Variants in RP1 observed in about 807,000 individuals in gnomAD.
The protein encoded by RP1 is oxygen-regulated protein 1.
A neutral mutation model predicts 14.8 loss-of-function variants in RP1; 16 were observed. The observed-to-expected ratio is 1.08, with a 90% CI of 0.73 to 1.65. RP1 has a LOEUF of 1.65. RP1 is among the 40% of genes most tolerant of loss of function. RP1 has a pLI of 0.00. For missense variants in RP1, 2,631 were observed against 2,535.0 expected (o/e 1.04, Z -0.81); for synonymous variants, 876 against 883.6 (o/e 0.99, Z 0.15).
chr8:54,714,089 C>T (rs953425076), intron 15 of RP1, among the ~76,000 whole-genome samples: 4 of 152,162 alleles, frequency 2.6e-5, no homozygotes, highest in Non-Finnish European at 4.4e-5. Context: ...CCACGCCCAG[C>T]TAATTTTTGT....
exon 4 of RP1, chr8:54,649,090 T>C (rs1349889782): frequency 3.3e-6 from 5 of 1,530,526 alleles, no homozygotes; most frequent in Admixed American, 2.0e-5. Flanking sequence ...TCAGCCCCCA[T>C]ATATCTTTAT....
intron 1 of RP1, among the ~76,000 whole-genome samples, chr8:54,592,183 A>G (rs979798827): frequency 1.3e-5 from 2 of 152,238 alleles, no homozygotes; most frequent in African/African-American, 4.8e-5. Flanking sequence ...TTACCTTATG[A>G]ATCTTTGTAG....
intron 7 of RP1, chr8:54,663,973 C>A (rs1308019038): frequency 2.1e-6 from 2 of 944,550 alleles, no homozygotes; most frequent in Admixed American, 3.7e-5. Context: ...TAAGTATATT[C>A]ACATTTCTGT....
chr8:54,649,168 A>G (rs1806607791), intron 4 of RP1: 2 of 1,455,342 alleles, frequency 1.4e-6, no homozygotes, highest in African/African-American at 2.9e-5. Flanking sequence ...AAAACTGAGT[A>G]TAAACTGTTA....
intron 16 of RP1, among the ~76,000 whole-genome samples, chr8:54,723,190 A>G (rs1808574187): frequency 6.6e-6 from 1 of 152,230 alleles, no homozygotes; most frequent in African/African-American, 2.4e-5. Context: ...AATTACGTGA[A>G]TTAACATATG....
intron 8 of RP1, chr8:54,678,444 C>T (rs1464904042): frequency 6.5e-7 from 1 of 1,528,036 alleles, no homozygotes; most frequent in Non-Finnish European, 8.8e-7. Flanking sequence ...CATTTTCATT[C>T]TTTAATTTGT....
At chr8:54,693,334 G>GT (rs1468820527) in intron 12 of RP1, among the ~76,000 whole-genome samples, 1 of 152,116 alleles carries the variant, frequency 6.6e-6, no homozygotes, top group Non-Finnish European at 1.5e-5. Context: ...CTTGAAAGTA[G>GT]TTTTTTCTAA....
chr8:54,736,579 C>T (rs1367642967), intron 18 of RP1, among the ~76,000 whole-genome samples: 2 of 152,130 alleles, frequency 1.3e-5, no homozygotes, highest in African/African-American at 2.4e-5. Context: ...TTACAGGCAC[C>T]AAGGACTCCC....
intron 18 of RP1, among the ~76,000 whole-genome samples, chr8:54,736,584 A>G (rs1486602839): frequency 6.6e-6 from 1 of 151,868 alleles, no homozygotes; most frequent in Non-Finnish European, 1.5e-5. Context: ...GGCACCAAGG[A>G]CTCCCTCTGC....
At chr8:54,714,318 C>T (rs987904343) in intron 15 of RP1, among the ~76,000 whole-genome samples, 1 of 152,186 alleles carries the variant, frequency 6.6e-6, no homozygotes, top group African/African-American at 2.4e-5. Flanking sequence ...GTAAAACTAA[C>T]AAATTAGCCA....
intron 24 of RP1, among the ~76,000 whole-genome samples, chr8:54,802,067 A>T (rs1457964960): frequency 1.3e-5 from 2 of 152,200 alleles, no homozygotes; most frequent in African/African-American, 4.8e-5. Context: ...GATAATATAT[A>T]ACATTTAAAA....
intron 25 of RP1, among the ~76,000 whole-genome samples, chr8:54,842,506 C>T (rs1431937041): frequency 6.6e-6 from 1 of 152,140 alleles, no homozygotes; most frequent in Non-Finnish European, 1.5e-5. Flanking sequence ...CAGAGCAGCA[C>T]GATAGGTGCC....
At chr8:54,682,592 T>G (rs1807460838) in intron 12 of RP1, among the ~76,000 whole-genome samples, 1 of 152,210 alleles carries the variant, frequency 6.6e-6, no homozygotes, top group Admixed American at 6.5e-5. Flanking sequence ...TGATGTGAGA[T>G]GGTATCTCAT....
chr8:54,636,007 G>A (rs568310000), intron 3 of RP1, among the ~76,000 whole-genome samples: 1 of 152,244 alleles, frequency 6.6e-6, no homozygotes, highest in African/African-American at 2.4e-5. Flanking sequence ...ACCCCTTGCT[G>A]ATTGAGCTCC....
At chr8:54,636,259 A>G (rs1314003243) in intron 3 of RP1, among the ~76,000 whole-genome samples, 1 of 152,194 alleles carries the variant, frequency 6.6e-6, no homozygotes, top group Non-Finnish European at 1.5e-5. Context: ...TGTGAGAGGG[A>G]CACCTAGTCA....
intron 3 of RP1, among the ~76,000 whole-genome samples, chr8:54,637,602 A>G (rs1173770257): frequency 6.6e-6 from 1 of 151,922 alleles, no homozygotes; most frequent in Non-Finnish European, 1.5e-5. Flanking sequence ...TTATTTCTGT[A>G]TTTAGAGACA....
intron 15 of RP1, among the ~76,000 whole-genome samples, chr8:54,709,526 C>T (rs1159025527): frequency 6.6e-6 from 1 of 152,060 alleles, no homozygotes; most frequent in African/African-American, 2.4e-5. Context: ...TTGAAAAAAG[C>T]CAGAGGCATT....
chr8:54,633,845 A>G (rs1025462906), downstream of RP1, among the ~76,000 whole-genome samples: 4 of 151,496 alleles, frequency 2.6e-5, no homozygotes, highest in African/African-American at 7.3e-5. Context: ...CTCTGTGCCA[A>G]ATATTGGGCT....
At chr8:54,806,310 T>G (rs149173925) in intron 24 of RP1, among the ~76,000 whole-genome samples, 4,364 of 152,180 alleles carry the variant, frequency 0.029, 119 homozygotes, top group African/African-American at 0.064. Flanking sequence ...AGCCATTGTG[T>G]CTGGCCGGGT....
Sources: gnomAD v4.1 joint callset for allele counts (sites outside exome capture counted in the v4.1 genomes callset) on GRCh38, gnomAD v4.1.1 for gene constraint, MANE v1.5 for transcripts, NCBI Gene and HGNC (gene_info 2026-07-23, HGNC 2026-07-21) for gene names.